Variants in PCDHGB2 observed in about 807,000 individuals in gnomAD.
PCDHGB2 encodes protocadherin gamma-B2.
In PCDHGB2, 55 loss-of-function variants were observed where a neutral mutation model predicts 59.3. The observed-to-expected ratio is 0.93, with a 90% CI of 0.75 to 1.16. The LOEUF (loss-of-function observed/expected upper bound fraction) is 1.16, where lower values mean the gene tolerates loss of function less well. Ranked by LOEUF, PCDHGB2 falls within the 50% of genes most tolerant of loss-of-function variation. PCDHGB2 has a pLI of 0.00. For synonymous variants in PCDHGB2, 516 were observed against 512.0 expected (o/e 1.01, Z -0.11); for missense variants, 1,228 against 1,198.5 (o/e 1.02, Z -0.36).
At position 141,365,064 on chromosome 5, in the gene PCDHGB2, C is replaced by T. The variant is rs779776168; in HGVS notation, c.2421+2508C>T. 5 of 1,613,856 alleles carry T rather than the reference C, an allele frequency of 3.1e-6. No homozygotes were observed. The Middle Eastern group carries it at 6.6e-4, about 213-fold the overall frequency. ...GACAATGCGCCCCTGTTCACCCCAT[C>T]CGAGTACAGCGTGAGTGTTCCAGAG... On this transcript the variant is annotated intron_variant, in intron 1 of 3. Coordinates refer to ENST00000522605, the MANE Select transcript of PCDHGB2 (RefSeq NM_018923.3).
In PCDHGB2 at chr5:141,431,150, C is replaced by A. The variant is rs1007532359; in HGVS notation, c.2422-63657C>A. On this transcript the variant is annotated intron_variant, in intron 1 of 3. Transcript: ENST00000522605. The surrounding 1 kb of genome is among the most constrained non-coding windows in gnomAD (Gnocchi z 4.8). ...AGTAAGGGACATTAACGACAATGCGCCTTACTTTCGTGAAAGTGAATTAGA... is the reference window on the plus strand; with the variant it reads ...AGTAAGGGACATTAACGACAATGCGACTTACTTTCGTGAAAGTGAATTAGA... The A allele has an allele frequency of 1.2e-6, 2 of 1,614,226 alleles. No individual in the cohort carries two copies. The highest frequency in any genetic ancestry group is 1.7e-6 in the Non-Finnish European group (2 of 1,180,030).
chr5:141,374,941 A>G, intron 1 of PCDHGB2: 1 of 1,614,040 alleles, frequency 6.2e-7, no homozygotes, highest in Non-Finnish European at 8.5e-7. Context: ...AGATTACAGA[A>G]AAGATCTCAC....
intron 1 of PCDHGB2, chr5:141,372,959 A>T: frequency 1.4e-6 from 1 of 715,196 alleles, no homozygotes; most frequent in Non-Finnish European, 2.2e-6. Context: ...AATTCTTTGT[A>T]GAATTTCCTG....
At chr5:141,374,174 A>T in intron 1 of PCDHGB2, 1 of 1,613,482 alleles carries the variant, frequency 6.2e-7, no homozygotes, top group South Asian at 1.1e-5. Flanking sequence ...GGCAGCGCAG[A>T]TCCGCTACTC....
intron 1 of PCDHGB2, among the ~76,000 whole-genome samples, chr5:141,382,340 T>G (rs535677710): frequency 3.4e-4 from 52 of 152,358 alleles, no homozygotes; most frequent in Middle Eastern, 3.4e-3. Context: ...AAGTAAAATC[T>G]TTCATATGTA....
rs188373658 is a variant in PCDHGB2 at position 141,492,228 on chromosome 5, C to T, written c.2422-2579C>T. ...TGCGCGCGGGGCTCATGCGTGTCCT[C>T]CCTGCTGGCCACCCCCACGGCCCAC... On this transcript the variant is annotated intron_variant, in intron 1 of 3. Coordinates refer to ENST00000522605, the MANE Select transcript of PCDHGB2 (RefSeq NM_018923.3). Among the ~76,000 whole-genome samples the T allele has an allele frequency of 5.3e-5, 8 of 152,292 alleles. No individual in the cohort carries two copies. In the East Asian group the frequency reaches 1.2e-3, roughly 22 times the overall value.
At chr5:141,390,353 T>C (rs2092125983) in intron 1 of PCDHGB2, 3 of 1,554,516 alleles carry the variant, frequency 1.9e-6, no homozygotes, top group African/African-American at 2.8e-5. Flanking sequence ...AAAATATACA[T>C]ATTTGCAGGA....
intron 1 of PCDHGB2, chr5:141,417,931 G>T (rs551432799): frequency 6.8e-6 from 11 of 1,611,382 alleles, no homozygotes; most frequent in Middle Eastern, 1.6e-4. Flanking sequence ...TGCTGCCTTT[G>T]TTCTACCCCA....
chr5:141,499,996 C>A (rs1246090346), intron 2 of PCDHGB2, among the ~76,000 whole-genome samples: 2 of 151,572 alleles, frequency 1.3e-5, no homozygotes, highest in Non-Finnish European at 2.9e-5. Flanking sequence ...CCAGATGATT[C>A]TTTCATAAGG....
chr5:141,417,627 G>C, intron 1 of PCDHGB2: 1 of 694,264 alleles, frequency 1.4e-6, no homozygotes, highest in Non-Finnish European at 2.3e-6. Flanking sequence ...AGCAAGCGCT[G>C]ACGCCGGGGA....
Position 141,384,834 on chromosome 5 carries a change from C to T in PCDHGB2, c.2421+22278C>T, listed in dbSNP as rs369584315. 6.0e-5 allele frequency: 97 copies of T among 1,613,478 alleles called. No individual in the cohort carries two copies. The African/African-American group carries it at 1.2e-3, about 19-fold the overall frequency. On this transcript the variant is annotated intron_variant, in intron 1 of 3. Coordinates refer to ENST00000522605, the MANE Select transcript of PCDHGB2 (RefSeq NM_018923.3). The stretch of plus-strand genomic sequence containing the variant: ...CCCTCAAGCAGAGCCTCGTGGTGGC[C>T]GTCCAGGACCACGGTCAGCCTCCTC...
chr5:141,413,390 C>G, intron 1 of PCDHGB2: 1 of 1,614,010 alleles, frequency 6.2e-7, no homozygotes, highest in Non-Finnish European at 8.5e-7. Context: ...CGCATAGTCT[C>G]CAGAGGTAGG....
chr5:141,488,480 C>A (rs935896624), intron 1 of PCDHGB2, among the ~76,000 whole-genome samples: 6 of 152,298 alleles, frequency 3.9e-5, no homozygotes, highest in African/African-American at 1.4e-4. Flanking sequence ...GTTCCCCTAC[C>A]CAAAAACTGT....
intron 1 of PCDHGB2, chr5:141,371,977 T>C (rs1768257593): frequency 1.2e-6 from 2 of 1,613,238 alleles, no homozygotes; most frequent in Non-Finnish European, 1.7e-6. Context: ...CTGCGTGCCT[T>C]CGAGCTCACT....
chr5:141,501,343 C>T (rs1202291965), intron 2 of PCDHGB2, among the ~76,000 whole-genome samples: 1 of 150,430 alleles, frequency 6.6e-6, no homozygotes, highest in Non-Finnish European at 1.5e-5. Context: ...ACCCCAAACT[C>T]AATAGGGCAA....
intron 1 of PCDHGB2, chr5:141,420,103 G>C (rs754672450): frequency 4.3e-6 from 7 of 1,613,990 alleles, no homozygotes; most frequent in Non-Finnish European, 2.5e-6. Context: ...AGGGAACGTT[G>C]CCCTATGCCT....
chr5:141,489,692 G>A lies in PCDHGB2; in HGVS notation c.2422-5115G>A. 1.9e-6 allele frequency: 3 copies of A among 1,614,128 alleles called. No individual in the cohort carries two copies. The highest frequency in any genetic ancestry group is 1.7e-6 in the Non-Finnish European group (2 of 1,179,980). On this transcript the variant is annotated intron_variant, in intron 1 of 3. Coordinates refer to ENST00000522605, the MANE Select transcript of PCDHGB2 (RefSeq NM_018923.3). The surrounding 1 kb of genome is among the most constrained non-coding windows in gnomAD (Gnocchi z 4.5). The stretch of plus-strand genomic sequence containing the variant: ...TCAGAATCAGCAGCATCTGGGGCAC[G>A]ATTCCCACTGGACAGTGCCCAGGAT...
At chr5:141,507,563 G>A (rs2099861587) in intron 3 of PCDHGB2, among the ~76,000 whole-genome samples, 1 of 152,222 alleles carries the variant, frequency 6.6e-6, no homozygotes, top group Non-Finnish European at 1.5e-5. Flanking sequence ...CAGGCGGCTG[G>A]GTCTGAGGAG....
chr5:141,428,029 C>G, intron 1 of PCDHGB2: 2 of 1,607,160 alleles, frequency 1.2e-6, no homozygotes, highest in Non-Finnish European at 1.7e-6. Flanking sequence ...GCCGCAGAGT[C>G]CGGCTACCTG....
Sources: allele counts gnomAD v4.1 joint callset (sites outside exome capture counted in the v4.1 genomes callset), GRCh38; gene constraint gnomAD v4.1.1; non-coding constraint Gnocchi (gnomAD v3.1); transcripts MANE v1.5; gene names NCBI Gene and HGNC (gene_info 2026-07-23, HGNC 2026-07-21).